COL5A3: variants seen among roughly 807,000 people sequenced by gnomAD.
COL5A3 encodes collagen type V alpha 3 chain.
COL5A3 carries 172 observed loss-of-function variants against 250.0 expected under a neutral mutation model. The observed-to-expected ratio is 0.69, with a 90% CI of 0.61 to 0.78. COL5A3 has a LOEUF of 0.78. COL5A3 is among the 30% of genes least tolerant of loss of function. The pLI is 0.00. For synonymous variants in COL5A3, 937 were observed against 900.4 expected (o/e 1.04, Z -0.73); for missense variants, 2,340 against 2,334.4 (o/e 1.00, Z -0.05).
Position 9,991,602 on chromosome 19 carries a change from T to C in COL5A3, c.1992+8A>G. On this transcript the variant is annotated splice_region_variant and intron_variant, in intron 24 of 66. Coordinates refer to ENST00000264828, the MANE Select transcript of COL5A3 (RefSeq NM_015719.4). ...GAGGAGGTCGCGGTAGGTGGAGCTG[T>C]CACTCACCTTCTCCCCAGGAGTGCC... 6.3e-7 allele frequency: 1 copy of C among 1,587,160 alleles called. No homozygotes were observed. The highest frequency in any genetic ancestry group is 8.6e-7 in the Non-Finnish European group (1 of 1,166,348).
At chr19:9,978,797 C>T (rs1454669336) in intron 40 of COL5A3, 94 bp downstream of exon 40, 2 of 1,049,884 alleles carry the variant, frequency 1.9e-6, no homozygotes, top group East Asian at 3.0e-5. Context: ...TTCATCATTT[C>T]CCGCACCCCA....
At chr19:10,002,646 C>T (rs8100636) in intron 6 of COL5A3, among the ~76,000 whole-genome samples, 147,041 of 152,130 alleles carry the variant, frequency 0.97, 71,225 homozygotes, top group African/African-American at 0.99. Flanking sequence ...TTAGCACTAA[C>T]TAGTGACTCT....
At chr19:9,981,900 T>C (rs1393285770) in intron 32 of COL5A3, among the ~76,000 whole-genome samples, 165 bp downstream of exon 32, 1 of 152,248 alleles carries the variant, frequency 6.6e-6, no homozygotes, top group Non-Finnish European at 1.5e-5. Flanking sequence ...ATACCATGTG[T>C]AATCACCTAC....
At chr19:9,983,885 T>G (rs967293681) in intron 31 of COL5A3, among the ~76,000 whole-genome samples, 8 of 145,330 alleles carry the variant, frequency 5.5e-5, no homozygotes, top group Non-Finnish European at 9.1e-5. Context: ...GGAAAAGGAG[T>G]CAATGTAAAG....
Position 9,969,359 on chromosome 19 carries a change from G to A in COL5A3, c.4142C>T (p.Pro1381Leu), listed in dbSNP as rs1172544217. Reference sequence around the variant, plus strand: ...GAACAAGTCTCTTACCAGGGGGCCAGGAGGGCCCATCTGTCCAGGGGCTCC... The same window carrying A: ...GAACAAGTCTCTTACCAGGGGGCCAAGAGGGCCCATCTGTCCAGGGGCTCC... ...LLGAPGQMGP[P>L]GPLGPSGLPG... The change falls in exon 57 of 67, where the codon CCT (proline) becomes CTT (leucine). Residue 1381 changes from proline (P) to leucine (L), a missense_variant. Pro to Leu is a moderately conservative substitution (Grantham distance 98). This residue lies in a region of COL5A3 where 1,179 missense variants were observed against 1,162.6 expected (regional missense o/e 1.01). Transcript: ENST00000264828. 2 of 1,600,638 alleles carry A rather than the reference G, an allele frequency of 1.2e-6. No individual in the cohort carries two copies. The highest frequency in any genetic ancestry group is 1.1e-5 in the South Asian group (1 of 89,234).
At chr19:9,970,058 T>TGTG (rs1397566608) in intron 54 of COL5A3, 136 bp from the exon 55 acceptor site, 4 of 162,292 alleles carry the variant, frequency 2.5e-5, no homozygotes, top group African/African-American at 1.1e-4. Context: ...GAATGAGGTC[T>TGTG]GGGTGAGTGG....
Position 9,980,632 on chromosome 19 carries a change from AC to A in COL5A3, c.2604+15del, listed in dbSNP as rs1224506066. On this transcript the variant is annotated intron_variant, in intron 35 of 66. Transcript: ENST00000264828. ...CACACACACATTCACACACACACAC[AC>A]ACACACACACTCACCTTTTCTCCAG... 14 of 1,612,272 alleles carry A rather than the reference AC, an allele frequency of 8.7e-6. No homozygotes were observed. Among genetic ancestry groups the A allele is most frequent in the Admixed American group, 3.3e-5 (2 of 59,766 alleles).
intron 66 of COL5A3, 25 bp from the exon 67 acceptor site, chr19:9,960,582 G>T (rs2086658814): frequency 6.2e-7 from 1 of 1,613,860 alleles, no homozygotes; most frequent in African/African-American, 1.3e-5. Flanking sequence ...GACAGAGACG[G>T]TGAGTTACCG....
chr19:9,995,430 G>T, intron 16 of COL5A3, 134 bp downstream of exon 16: 1 of 657,362 alleles, frequency 1.5e-6, no homozygotes, highest in South Asian at 3.1e-5. Flanking sequence ...ACACTCAGTG[G>T]AGCTGCCATT....
chr19:9,969,139 A>G (rs2086793791), intron 57 of COL5A3, among the ~76,000 whole-genome samples: 1 of 134,776 alleles, frequency 7.4e-6, no homozygotes, highest in Non-Finnish European at 1.7e-5. Context: ...TAGATCATCA[A>G]GGTGGAGTGT....
intron 64 of COL5A3, among the ~76,000 whole-genome samples, chr19:9,963,297 A>G (rs910446742): frequency 1.3e-5 from 2 of 151,946 alleles, no homozygotes; most frequent in Non-Finnish European, 2.9e-5. Flanking sequence ...ATCATAGTTC[A>G]CTGCAGCCTC....
intron 27 of COL5A3, among the ~76,000 whole-genome samples, chr19:9,988,816 A>T (rs191592763): frequency 4.1e-4 from 59 of 144,082 alleles, no homozygotes; most frequent in African/African-American, 1.5e-3. Context: ...CCTGGGCGAC[A>T]AAGCGAGACT....
intron 1 of COL5A3, among the ~76,000 whole-genome samples, chr19:10,007,243 T>C (rs1419806254): frequency 6.6e-6 from 1 of 151,662 alleles, no homozygotes; most frequent in Non-Finnish European, 1.5e-5. Context: ...CCCTCTGACC[T>C]CCTCCCTCTG....
At chr19:9,990,784 C>T (rs190504778) in intron 24 of COL5A3, among the ~76,000 whole-genome samples, 234 of 152,138 alleles carry the variant, frequency 1.5e-3, no homozygotes, top group African/African-American at 5.4e-3. Context: ...AGGATGGTCT[C>T]GATCTCCTGA....
rs370896010 is a variant in COL5A3, at chr19:9,968,408, G to T, written c.4291C>A (p.Pro1431Thr). The T allele has an allele frequency of 1.3e-5, 21 of 1,591,372 alleles. No homozygotes were observed. Among genetic ancestry groups the T allele is most frequent in the Non-Finnish European group, 1.5e-5 (18 of 1,174,356 alleles). Residue 1431 changes from proline (P) to threonine (T), a missense_variant, in exon 59 of 67, where the codon CCC (proline) becomes ACC (threonine). Pro to Thr is a conservative substitution (Grantham distance 38). Transcript: ENST00000264828. The surrounding 1 kb of genome is among the most constrained non-coding windows in gnomAD (Gnocchi z 4.1). Reference protein sequence around the residue: ...GDQGLPGVQGPPGPKGDPGPP... With the variant: ...GDQGLPGVQGTPGPKGDPGPP... Reference sequence around the variant, plus strand: ...ACAGGGTCTCCCTTGGGACCAGGGGGTCCCTGCACGCCTGGCAACCCCTGA... The same window carrying T: ...ACAGGGTCTCCCTTGGGACCAGGGGTTCCCTGCACGCCTGGCAACCCCTGA...
chr19:9,960,272 T>C lies in COL5A3; in HGVS notation c.*139A>G. 1 of 1,050,328 alleles carries C rather than the reference T, an allele frequency of 9.5e-7. No individual in the cohort carries two copies. 65.1% of individuals were successfully genotyped at this position (1,050,328 alleles called of 1,614,324 possible). ...CCAGCACCCTGGAAAGGAGAAGGAA[T>C]GACTGTCCGTGATGAGCGAAGTCAC... On this transcript the variant is annotated 3_prime_UTR_variant, in exon 67 of 67. Coordinates refer to ENST00000264828, the MANE Select transcript of COL5A3 (RefSeq NM_015719.4).
chr19:9,977,097 G>C (rs960623212), intron 44 of COL5A3, 132 bp downstream of exon 44: 8 of 848,766 alleles, frequency 9.4e-6, no homozygotes, highest in Non-Finnish European at 1.5e-5. Context: ...GCATGTAATT[G>C]TCAAGATGGT....
At chr19:9,993,899 T>A in intron 16 of COL5A3, 93 bp from the exon 17 acceptor site, 1 of 1,185,178 alleles carries the variant, frequency 8.4e-7, no homozygotes, top group Non-Finnish European at 1.2e-6. Context: ...ACATCAAGAT[T>A]TTTTTTTTGA....
At chr19:9,977,078 C>A in intron 44 of COL5A3, 151 bp downstream of exon 44, 1 of 746,576 alleles carries the variant, frequency 1.3e-6, no homozygotes, top group Non-Finnish European at 2.3e-6. Context: ...AGCTCAAGTA[C>A]CTTCTGTTGC....
Sources: gnomAD v4.1 joint callset for allele counts (sites outside exome capture counted in the v4.1 genomes callset) on GRCh38, gnomAD v4.1.1 for gene constraint, gnomAD v4.1.1 regional missense constraint, Gnocchi (gnomAD v3.1) non-coding constraint, MANE v1.5 for transcripts, NCBI Gene and HGNC (gene_info 2026-07-23, HGNC 2026-07-21) for gene names.